The following LARP1B variants were observed in gnomAD, a reference collection of about 807,000 sequenced individuals.
The protein encoded by LARP1B is la-related protein 1B.
A neutral mutation model predicts 114.2 loss-of-function variants in LARP1B; 76 were observed. The ratio of observed to expected loss-of-function variants is 0.67; its 90% confidence interval spans 0.55 to 0.81. The LOEUF (loss-of-function observed/expected upper bound fraction) is 0.81, where lower values mean the gene tolerates loss of function less well. LARP1B is among the 30% of genes least tolerant of loss of function. LARP1B has a pLI of 0.00. For synonymous variants in LARP1B, 345 were observed against 348.0 expected, an observed-to-expected ratio of 0.99 and a Z score of 0.10; for missense variants, 1,014 against 1,075.8, an observed-to-expected ratio of 0.94 and a Z score of 0.80.
At chr4:128,155,950 G>A (rs1735406141) in intron 11 of LARP1B, 5 of 1,529,088 alleles carry the variant, frequency 3.3e-6, no homozygotes, top group African/African-American at 1.4e-5. Flanking sequence ...CGGTACCAGC[G>A]GCACCAGCAG....
intron 16 of LARP1B, 109 bp from the exon 17 acceptor site, chr4:128,200,412 A>T: frequency 2.7e-6 from 2 of 728,902 alleles, no homozygotes; most frequent in East Asian, 6.1e-5. Context: ...ACCTAAATAC[A>T]CTTTGAGGAT....
chr4:128,109,165 A>T (rs1783121396), intron 9 of LARP1B, among the ~76,000 whole-genome samples: 1 of 152,182 alleles, frequency 6.6e-6, no homozygotes, highest in Non-Finnish European at 1.5e-5. Context: ...TTTCCTAGTG[A>T]TAAGAAAGCC....
At chr4:128,062,032 G>T (rs954385727) in intron 1 of LARP1B, 1 of 984,850 alleles carries the variant, frequency 1.0e-6, no homozygotes. Context: ...CGCCGTCGCC[G>T]TTGCCGCCGT....
chr4:128,122,522 A>G, intron 11 of LARP1B: 1 of 1,530,182 alleles, frequency 6.5e-7, no homozygotes, highest in Non-Finnish European at 8.7e-7. Flanking sequence ...TGAAAGAATA[A>G]AAACAAGTTA....
chr4:128,191,299 G>A (rs1174953005), intron 15 of LARP1B, among the ~76,000 whole-genome samples: 2 of 151,970 alleles, frequency 1.3e-5, no homozygotes, highest in African/African-American at 4.8e-5. Flanking sequence ...ATAGTTCCGT[G>A]TTTGCTGTTG....
chr4:128,110,715 C>G (rs1783824452), intron 9 of LARP1B, among the ~76,000 whole-genome samples: 1 of 142,596 alleles, frequency 7.0e-6, no homozygotes, highest in Admixed American at 7.0e-5. Flanking sequence ...CCACACAGAG[C>G]ATATATGTAA....
intron 11 of LARP1B, among the ~76,000 whole-genome samples, chr4:128,135,114 TAAATAAA>T: frequency 6.7e-6 from 1 of 148,248 alleles, no homozygotes; most frequent in East Asian, 2.0e-4. Context: ...AATAAATAAA[TAAATAAA>T]TAAATAAATA....
downstream of LARP1B, among the ~76,000 whole-genome samples, chr4:128,216,844 G>T: frequency 6.6e-6 from 1 of 152,254 alleles, no homozygotes; most frequent in Middle Eastern, 3.4e-3. Flanking sequence ...CAAAAAATCA[G>T]TGAATCCAGG....
intron 4 of LARP1B, among the ~76,000 whole-genome samples, chr4:128,079,736 G>T (rs1769506567): frequency 6.6e-6 from 1 of 150,730 alleles, no homozygotes; most frequent in African/African-American, 2.4e-5. Context: ...GCTAATTTTT[G>T]TATTTTTTTG....
chr4:128,116,156 TGTG>T (rs1041069889), intron 10 of LARP1B, among the ~76,000 whole-genome samples: 4 of 152,208 alleles, frequency 2.6e-5, no homozygotes, highest in South Asian at 2.1e-4. Context: ...AGGAGATCCT[TGTG>T]GTGGTACTGC....
intron 15 of LARP1B, among the ~76,000 whole-genome samples, chr4:128,187,519 T>TCTTGTCC (rs1371969237): frequency 6.6e-6 from 1 of 152,254 alleles, no homozygotes; most frequent in Non-Finnish European, 1.5e-5. Flanking sequence ...CTCCATTGTA[T>TCTTGTCC]CTTGGAAGTA....
chr4:128,188,432 G>A (rs554112790), intron 15 of LARP1B, among the ~76,000 whole-genome samples: 1 of 152,022 alleles, frequency 6.6e-6, no homozygotes, highest in African/African-American at 2.4e-5. Context: ...AAGGTTTGTT[G>A]ATTTTGTTTA....
At chr4:128,141,472 C>T (rs944193188) in intron 11 of LARP1B, among the ~76,000 whole-genome samples, 29 of 152,142 alleles carry the variant, frequency 1.9e-4, no homozygotes, top group Non-Finnish European at 2.9e-5. Context: ...TGTTTATCTC[C>T]AACATTTTAG....
intron 15 of LARP1B, among the ~76,000 whole-genome samples, chr4:128,192,340 A>G (rs6856312): frequency 0.59 from 89,921 of 151,956 alleles, 27,712 homozygotes; most frequent in Middle Eastern, 0.8. Flanking sequence ...AGATATGCCC[A>G]TATAATTCAG....
intron 9 of LARP1B, among the ~76,000 whole-genome samples, chr4:128,113,716 A>G (rs1249541069): frequency 6.6e-6 from 1 of 152,034 alleles, no homozygotes; most frequent in Non-Finnish European, 1.5e-5. Context: ...TTTAAGTTCC[A>G]ACAATTTTTA....
chr4:128,096,294 A>G (rs1015832326), intron 7 of LARP1B, among the ~76,000 whole-genome samples: 33 of 152,122 alleles, frequency 2.2e-4, no homozygotes, highest in African/African-American at 7.0e-4. Context: ...CGCCCGGCCT[A>G]TGGAGGCTAT....
intron 15 of LARP1B, among the ~76,000 whole-genome samples, chr4:128,197,087 G>C (rs1754414342): frequency 6.6e-6 from 1 of 152,088 alleles, no homozygotes; most frequent in Admixed American, 6.5e-5. Flanking sequence ...GTTTTTGATG[G>C]AGATGATGAA....
At chr4:128,104,827 G>T (rs1276745686) in intron 8 of LARP1B, among the ~76,000 whole-genome samples, 1 of 152,186 alleles carries the variant, frequency 6.6e-6, no homozygotes, top group Non-Finnish European at 1.5e-5. Context: ...TGTGAACGTT[G>T]TCATAGATAT....
At chr4:128,181,745 G>T (rs1748462142) in intron 15 of LARP1B, among the ~76,000 whole-genome samples, 1 of 148,518 alleles carries the variant, frequency 6.7e-6, no homozygotes, top group Non-Finnish European at 1.5e-5. Context: ...TCATGTCTCT[G>T]TGTCACCTTT....
Sources: allele counts gnomAD v4.1 joint callset (sites outside exome capture counted in the v4.1 genomes callset), GRCh38; gene constraint gnomAD v4.1.1; transcripts MANE v1.5; gene names NCBI Gene and HGNC (gene_info 2026-07-23, HGNC 2026-07-21).